The following P2RY8 variants were observed in gnomAD, a reference collection of about 807,000 sequenced individuals.
The protein encoded by P2RY8 is P2Y receptor family member 8.
A neutral mutation model predicts 10.0 loss-of-function variants in P2RY8; 6 were observed. That is an observed-to-expected ratio of 0.60 (90% confidence interval 0.33 to 1.19). The LOEUF is 1.19. Among genes scored for constraint, P2RY8 ranks in the 50% most tolerant of loss-of-function variants. P2RY8 has a pLI of 0.04. For missense variants in P2RY8, 456 were observed against 542.0 expected, an observed-to-expected ratio of 0.84 and a Z score of 1.58; for synonymous variants, 276 against 252.5, an observed-to-expected ratio of 1.09 and a Z score of -0.88.
intron 1 of P2RY8, among the ~76,000 whole-genome samples, chrX:1,473,982 GAC>G (rs1309301375): frequency 6.6e-6 from 1 of 150,712 alleles, no homozygotes; most frequent in African/African-American, 2.4e-5. Context: ...TGGGTGGATG[GAC>G]GGATGCATGG....
intron 1 of P2RY8, among the ~76,000 whole-genome samples, chrX:1,520,007 A>T (rs2092379149): frequency 6.7e-6 from 1 of 148,362 alleles, no homozygotes; most frequent in Non-Finnish European, 1.5e-5. Context: ...TTGGTCCCTA[A>T]TAATCTCTCT....
chrX:1,498,078 C>T (rs1235952495), intron 1 of P2RY8, among the ~76,000 whole-genome samples: 1 of 152,102 alleles, frequency 6.6e-6, no homozygotes, highest in Non-Finnish European at 1.5e-5. Flanking sequence ...ACTCAAGCTG[C>T]TCCTGAACTT....
At chrX:1,512,173 T>C (rs2092302398) in intron 1 of P2RY8, among the ~76,000 whole-genome samples, 1 of 151,846 alleles carries the variant, frequency 6.6e-6, no homozygotes, top group Non-Finnish European at 1.5e-5. Flanking sequence ...AAATTCATCA[T>C]CTCCCAGTCC....
Position 1,466,536 on chromosome X carries a change from C to A in P2RY8, c.23G>T (p.Gly8Val). MQVPNST[G>V]PDNATLQMLR... ...CATCTGCAGCGTCGCGTTGTCCGGG[C>A]CGGTGCTGTTCGGGACCTGCATCCT... Residue 8 changes from glycine to valine, a missense_variant, in exon 2 of 2, where the codon GGC becomes GTC. Coordinates refer to ENST00000381297, the MANE Select transcript of P2RY8 (RefSeq NM_178129.5). 1 of 1,608,054 alleles carries A rather than the reference C, an allele frequency of 6.2e-7. No homozygotes were observed. The highest frequency in any genetic ancestry group is 2.2e-4 in the Middle Eastern group (1 of 4,556).
At chrX:1,523,110 T>A (rs2092404965) in intron 1 of P2RY8, among the ~76,000 whole-genome samples, 1 of 148,704 alleles carries the variant, frequency 6.7e-6, no homozygotes, top group African/African-American at 2.5e-5. Flanking sequence ...AATAAATAAA[T>A]AAATAAATAA....
intron 1 of P2RY8, among the ~76,000 whole-genome samples, chrX:1,498,886 G>A (rs1208122462): frequency 1.5e-4 from 23 of 151,648 alleles, no homozygotes; most frequent in African/African-American, 4.8e-4. Context: ...CCAGGCTGGA[G>A]TGCAGTGGCA....
intron 1 of P2RY8, among the ~76,000 whole-genome samples, chrX:1,519,058 C>T (rs1474660753): frequency 6.6e-6 from 1 of 151,416 alleles, no homozygotes; most frequent in Non-Finnish European, 1.5e-5. Flanking sequence ...ATTTCTGATC[C>T]CCAATATTCC....
chrX:1,532,430 CATATATGT>C (rs1416637861), intron 1 of P2RY8, among the ~76,000 whole-genome samples: 4 of 139,778 alleles, frequency 2.9e-5, no homozygotes, highest in African/African-American at 1.0e-4. Flanking sequence ...TATATATACA[CATATATGT>C]ATATATGTAT....
intron 1 of P2RY8, among the ~76,000 whole-genome samples, chrX:1,492,418 A>G (rs370448677): frequency 1.1e-4 from 16 of 152,236 alleles, no homozygotes; most frequent in African/African-American, 3.6e-4. Flanking sequence ...CTGCTCTGAA[A>G]AGATGGGGAC....
chrX:1,516,795 G>A (rs1212332849), intron 1 of P2RY8, among the ~76,000 whole-genome samples: 7 of 151,254 alleles, frequency 4.6e-5, no homozygotes, highest in African/African-American at 1.2e-4. Flanking sequence ...ACAGAGGGGC[G>A]ACCCTGTGAG....
chrX:1,515,353 A>G (rs758005572), intron 1 of P2RY8, among the ~76,000 whole-genome samples: 1 of 149,848 alleles, frequency 6.7e-6, no homozygotes, highest in South Asian at 2.1e-4. Flanking sequence ...TCCGCAGTCT[A>G]TTTTAGGATA....
chrX:1,514,868 C>T (rs1460165851), intron 1 of P2RY8, among the ~76,000 whole-genome samples: 4 of 32,040 alleles, frequency 1.2e-4, no homozygotes, highest in African/African-American at 3.7e-4. Context: ...TCCCCCTCCC[C>T]TTCCCCTGTC....
At chrX:1,509,807 A>ATGTATCCATCCAT in intron 1 of P2RY8, among the ~76,000 whole-genome samples, 1 of 60,922 alleles carries the variant, frequency 1.6e-5, no homozygotes, top group African/African-American at 4.2e-5. Flanking sequence ...CTATCTATCT[A>ATGTATCCATCCAT]TCTATCTATC....
intron 1 of P2RY8, among the ~76,000 whole-genome samples, chrX:1,508,144 G>A (rs1339411616): frequency 6.6e-6 from 1 of 152,190 alleles, no homozygotes; most frequent in African/African-American, 2.4e-5. Context: ...AGACTCTGAT[G>A]TTCTGGCAGT....
chrX:1,509,741 G>GTATCTATCTATCTATC (rs771117216), intron 1 of P2RY8, among the ~76,000 whole-genome samples: 3 of 39,012 alleles, frequency 7.7e-5, no homozygotes, highest in Admixed American at 6.3e-4. Flanking sequence ...ATCTATCTAT[G>GTATCTATCTATCTATC]TATCTATCTG....
chrX:1,493,395 GGGAAGGA>G (rs201625876), intron 1 of P2RY8, among the ~76,000 whole-genome samples: 11,906 of 54,500 alleles, frequency 0.22, 1,411 homozygotes, highest in Non-Finnish European at 0.28. Flanking sequence ...GAGGGAGGGA[GGGAAGGA>G]GGAAGGAGGA....
chrX:1,536,516 T>TC, intron 1 of P2RY8, among the ~76,000 whole-genome samples: 1 of 149,424 alleles, frequency 6.7e-6, no homozygotes, highest in Non-Finnish European at 1.5e-5. Context: ...CCCACCTCGG[T>TC]CCCCCAAAGT....
At chrX:1,502,185 A>G (rs2092187727) in intron 1 of P2RY8, among the ~76,000 whole-genome samples, 1 of 152,142 alleles carries the variant, frequency 6.6e-6, no homozygotes, top group African/African-American at 2.4e-5. Context: ...TGCTGGGATG[A>G]CAGACGTGAG....
intron 1 of P2RY8, among the ~76,000 whole-genome samples, chrX:1,499,163 CT>C (rs1163119480): frequency 2.4e-3 from 118 of 48,434 alleles, no homozygotes; most frequent in African/African-American, 4.4e-3. Context: ...TTTTTCTTTT[CT>C]TTTTTTTTTT....
Sources: allele counts gnomAD v4.1 joint callset (sites outside exome capture counted in the v4.1 genomes callset), GRCh38; gene constraint gnomAD v4.1.1; transcripts MANE v1.5; gene names NCBI Gene and HGNC (gene_info 2026-07-23, HGNC 2026-07-21).